TRAF3IP1: variants seen among roughly 807,000 people sequenced by gnomAD.
TRAF3IP1 encodes TRAF3-interacting protein 1.
TRAF3IP1 carries 53 observed loss-of-function variants against 89.9 expected under a neutral mutation model. The observed-to-expected ratio is 0.59, with a 90% CI of 0.47 to 0.74. The LOEUF is 0.74. Ranked by LOEUF, TRAF3IP1 falls within the 30% of genes least tolerant of loss-of-function variation. The probability of loss-of-function intolerance (pLI) is 0.00; values close to 1 mark genes in which losing one functional copy is unlikely to be tolerated. For synonymous variants in TRAF3IP1, 311 were observed against 322.1 expected (o/e 0.97, Z 0.37); for missense variants, 806 against 866.1 (o/e 0.93, Z 0.87).
At chr2:238,397,417 C>T in intron 15 of TRAF3IP1, 42 bp from the exon 16 acceptor site, 1 of 1,588,104 alleles carries the variant, frequency 6.3e-7, no homozygotes, top group Non-Finnish European at 8.6e-7. Flanking sequence ...TGCCTTTGGA[C>T]TGAGGAGGCG....
intron 15 of TRAF3IP1, among the ~76,000 whole-genome samples, chr2:238,395,264 C>A (rs1403880150): frequency 6.6e-6 from 1 of 152,078 alleles, no homozygotes; most frequent in African/African-American, 2.4e-5. Flanking sequence ...ACAAACCTGA[C>A]AAAAACAAGC....
At chr2:238,331,634 G>A (rs1278194459) in intron 5 of TRAF3IP1, among the ~76,000 whole-genome samples, 2 of 152,176 alleles carry the variant, frequency 1.3e-5, no homozygotes, top group African/African-American at 4.8e-5. Context: ...CGTGAGATTT[G>A]CGTGGATCTC....
chr2:238,366,451 A>T (rs1010290378), intron 15 of TRAF3IP1, among the ~76,000 whole-genome samples: 2 of 152,204 alleles, frequency 1.3e-5, no homozygotes, highest in Non-Finnish European at 2.9e-5. Flanking sequence ...TGAAAAAAAA[A>T]TAGATACACA....
chr2:238,325,493 G>C, intron 2 of TRAF3IP1, 119 bp downstream of exon 2: 2 of 1,018,684 alleles, frequency 2.0e-6, no homozygotes, highest in Admixed American at 2.0e-5. Context: ...TACAAGGTCA[G>C]TGAATTCGTA....
rs554030322 is a variant in TRAF3IP1 at position 238,390,120 on chromosome 2, G to A, written c.1690-7339G>A. 5.9e-5 allele frequency among the ~76,000 whole-genome samples: 9 copies of A among 152,186 alleles called. No homozygotes were observed. In the East Asian group the frequency reaches 1.7e-3, roughly 29 times the overall value. On this transcript the variant is annotated intron_variant, in intron 15 of 16. Coordinates refer to ENST00000373327, the MANE Select transcript of TRAF3IP1 (RefSeq NM_015650.4). ...CCGCAGGAAAAGGGAGGCCAGCCAG[G>A]TAGGAGGCAGGAGGGGACAAGAGGG... is the stretch of plus-strand genomic sequence containing the variant.
intron 8 of TRAF3IP1, among the ~76,000 whole-genome samples, chr2:238,340,091 G>C (rs900641123): frequency 1.3e-5 from 2 of 152,124 alleles, no homozygotes; most frequent in African/African-American, 4.8e-5. Context: ...CAGGAGCAGA[G>C]TCTGGGCTCT....
intron 15 of TRAF3IP1, among the ~76,000 whole-genome samples, chr2:238,358,848 T>C (rs1290787840): frequency 2.0e-5 from 3 of 152,230 alleles, no homozygotes; most frequent in African/African-American, 7.2e-5. Context: ...TTTCCTTTCA[T>C]AGACAATGCT....
chr2:238,325,984 C>A lies in TRAF3IP1; in HGVS notation c.354+14C>A. ...TGTCTCAACAAGGTACTACTGCTGT[C>A]CTGGCATTTTGAACTTACTTAGTAC... is the stretch of plus-strand genomic sequence containing the variant. On this transcript the variant is annotated intron_variant, in intron 3 of 16. Coordinates refer to ENST00000373327, the MANE Select transcript of TRAF3IP1 (RefSeq NM_015650.4). 1 of 1,602,796 alleles carries A rather than the reference C, an allele frequency of 6.2e-7. No individual in the cohort carries two copies. The highest frequency in any genetic ancestry group is 8.5e-7 in the Non-Finnish European group (1 of 1,174,646).
Position 238,329,223 on chromosome 2 carries a change from G to A in TRAF3IP1, c.796G>A (p.Asp266Asn). The A allele has an allele frequency of 6.4e-7, 1 of 1,555,948 alleles. No homozygotes were observed. The highest frequency in any genetic ancestry group is 8.6e-7 in the Non-Finnish European group (1 of 1,156,072). Residue 266 changes from aspartate (D) to asparagine (N), a missense_variant, in exon 5 of 17, where the codon GAC becomes AAC. Physicochemically the swap from Asp to Asn is conservative, Grantham distance 23 (BLOSUM62 1). Coordinates refer to ENST00000373327, the MANE Select transcript of TRAF3IP1 (RefSeq NM_015650.4). The stretch of plus-strand genomic sequence containing the variant: ...AGAGAAGGAGAGACTGAGAGACAGG[G>A]ACCGAGAGCGCGACCGGGACAAAGG... ...GKEKERLRDR[D>N]RERDRDKGKD...
At chr2:238,389,968 G>A (rs1700926683) in intron 15 of TRAF3IP1, among the ~76,000 whole-genome samples, 1 of 152,248 alleles carries the variant, frequency 6.6e-6, no homozygotes, top group African/African-American at 2.4e-5. Context: ...ATAACTGTTC[G>A]CTTGAGAAAT....
At chr2:238,325,488 G>C in intron 2 of TRAF3IP1, 114 bp downstream of exon 2, 3 of 1,093,844 alleles carry the variant, frequency 2.7e-6, no homozygotes, top group South Asian at 1.3e-5. Flanking sequence ...TGGAATACAA[G>C]GTCAGTGAAT....
chr2:238,384,054 G>A (rs1304329379), intron 15 of TRAF3IP1, among the ~76,000 whole-genome samples: 3 of 152,072 alleles, frequency 2.0e-5, no homozygotes, highest in African/African-American at 7.2e-5. Flanking sequence ...TGATTCAGCT[G>A]TGGTCTTGCA....
rs1222832934 is a variant in TRAF3IP1 at position 238,320,556 on chromosome 2, G to A, written c.-107G>A. The A allele has an allele frequency of 1.9e-6, 2 of 1,036,262 alleles. No individual in the cohort carries two copies. Among genetic ancestry groups the A allele is most frequent in the Non-Finnish European group, 2.3e-6 (2 of 864,688 alleles). The allele number at this position is 1,036,262 out of a possible 1,614,324, so 64.2% of individuals were successfully genotyped here. ...GAAACCGGAGCGGCGCGTCCTGGCA[G>A]GACCGGGCGGCGGCGGCGGCGGGGC... On this transcript the variant is annotated 5_prime_UTR_variant, in exon 1 of 17. Transcript: ENST00000373327.
At chr2:238,354,055 T>G (rs1699296999) in intron 14 of TRAF3IP1, among the ~76,000 whole-genome samples, 1 of 152,240 alleles carries the variant, frequency 6.6e-6, no homozygotes, top group East Asian at 1.9e-4. Flanking sequence ...ATTACAGGCA[T>G]GGGCCACTGT....
At chr2:238,349,703 G>A (rs776212818) in intron 12 of TRAF3IP1, among the ~76,000 whole-genome samples, 1 of 152,138 alleles carries the variant, frequency 6.6e-6, no homozygotes, top group Non-Finnish European at 1.5e-5. Context: ...AAACAATAGG[G>A]GAATTAGGAA....
At chr2:238,340,537 C>T (rs1406568616) in intron 8 of TRAF3IP1, among the ~76,000 whole-genome samples, 1 of 152,136 alleles carries the variant, frequency 6.6e-6, no homozygotes, top group Non-Finnish European at 1.5e-5. Flanking sequence ...TTTTTCAAAA[C>T]ATGAACAATT....
intron 15 of TRAF3IP1, among the ~76,000 whole-genome samples, chr2:238,363,654 G>C (rs1038762164): frequency 4.6e-5 from 7 of 152,122 alleles, no homozygotes; most frequent in Admixed American, 3.3e-4. Flanking sequence ...ATTTCACAGA[G>C]AGGCAAATGT....
intron 12 of TRAF3IP1, among the ~76,000 whole-genome samples, chr2:238,352,401 C>T (rs1311145740): frequency 1.3e-5 from 2 of 152,172 alleles, no homozygotes; most frequent in African/African-American, 4.8e-5. Flanking sequence ...GTGGCCCCTG[C>T]CCTGAGGTTT....
chr2:238,320,522 T>G lies in TRAF3IP1; in HGVS notation c.-141T>G. ...GGCGCTGTGGTGGGCTCCGGTGCAC[T>G]GTGGGATGGAAACCGGAGCGGCGCG... On this transcript the variant is annotated 5_prime_UTR_variant, in exon 1 of 17. Coordinates refer to ENST00000373327, the MANE Select transcript of TRAF3IP1 (RefSeq NM_015650.4). 1.0e-6 allele frequency: 1 copy of G among 992,914 alleles called. No individual in the cohort carries two copies. The highest frequency in any genetic ancestry group is 1.2e-6 in the Non-Finnish European group (1 of 829,478). 61.5% of individuals were successfully genotyped at this position (992,914 alleles called of 1,614,324 possible).
Sources: allele counts gnomAD v4.1 joint callset (sites outside exome capture counted in the v4.1 genomes callset), GRCh38; gene constraint gnomAD v4.1.1; transcripts MANE v1.5; gene names NCBI Gene and HGNC (gene_info 2026-07-23, HGNC 2026-07-21).